FGF2: variants seen among roughly 807,000 people sequenced by gnomAD.
FGF2 encodes the protein basic fibroblast growth factor bFGF.
A neutral mutation model predicts 15.9 loss-of-function variants in FGF2; 13 were observed. The ratio of observed to expected loss-of-function variants is 0.82; its 90% confidence interval spans 0.53 to 1.30. The LOEUF (loss-of-function observed/expected upper bound fraction) is 1.30. FGF2 is among the 50% of genes most tolerant of loss of function. The probability of loss-of-function intolerance (pLI) is 0.00; values close to 1 mark genes in which losing one functional copy is unlikely to be tolerated. For missense variants in FGF2, 163 were observed against 196.9 expected (o/e 0.83, Z 1.03); for synonymous variants, 90 against 78.4 (o/e 1.15, Z -0.78).
chr4:122,848,354 A>T (rs72917860), intron 1 of FGF2, among the ~76,000 whole-genome samples: 1 of 152,108 alleles, frequency 6.6e-6, no homozygotes, highest in Non-Finnish European at 1.5e-5. Flanking sequence ...CTTCTTCAGG[A>T]TTTCTGAAAA....
At chr4:122,889,617 C>T (rs1268809559) in intron 2 of FGF2, among the ~76,000 whole-genome samples, 3 of 151,970 alleles carry the variant, frequency 2.0e-5, no homozygotes, top group Non-Finnish European at 4.4e-5. Context: ...AGTTTGTTTT[C>T]AAGAGCAAAA....
intron 2 of FGF2, among the ~76,000 whole-genome samples, chr4:122,885,006 A>C (rs1475780496): frequency 6.6e-6 from 1 of 152,234 alleles, no homozygotes; most frequent in Non-Finnish European, 1.5e-5. Context: ...TTAGGGATCA[A>C]GGCGATATTA....
intron 1 of FGF2, among the ~76,000 whole-genome samples, chr4:122,863,468 G>GT (rs1404643654): frequency 6.6e-6 from 1 of 152,078 alleles, no homozygotes; most frequent in Non-Finnish European, 1.5e-5. Flanking sequence ...AGGCATGGCT[G>GT]TTTCATGCCT....
At chr4:122,843,352 G>A (rs1387813993) in intron 1 of FGF2, among the ~76,000 whole-genome samples, 2 of 152,264 alleles carry the variant, frequency 1.3e-5, no homozygotes, top group Admixed American at 6.5e-5. Flanking sequence ...CAAGAAGTAA[G>A]ACCTGCTAGC....
intron 1 of FGF2, among the ~76,000 whole-genome samples, chr4:122,867,121 G>T (rs1007572112): frequency 6.6e-6 from 1 of 152,206 alleles, no homozygotes; most frequent in Non-Finnish European, 1.5e-5. Context: ...ATACAGACAG[G>T]TTGCCCAGGG....
intron 1 of FGF2, among the ~76,000 whole-genome samples, chr4:122,838,171 AT>A (rs1725904209): frequency 6.6e-6 from 1 of 152,158 alleles, no homozygotes; most frequent in African/African-American, 2.4e-5. Flanking sequence ...GACATAGATT[AT>A]TTTTTGGAGG....
At chr4:122,840,141 C>A (rs574803123) in intron 1 of FGF2, among the ~76,000 whole-genome samples, 66 of 152,246 alleles carry the variant, frequency 4.3e-4, no homozygotes, top group Non-Finnish European at 8.1e-4. Context: ...GGAGCACATG[C>A]AGAGATAGTG....
At chr4:122,890,656 T>C (rs1727148637) in intron 2 of FGF2, among the ~76,000 whole-genome samples, 1 of 152,220 alleles carries the variant, frequency 6.6e-6, no homozygotes, top group Non-Finnish European at 1.5e-5. Context: ...TTTATGTTTT[T>C]GTCACAGTTT....
intron 1 of FGF2, among the ~76,000 whole-genome samples, chr4:122,838,799 GCTT>G (rs1383991480): frequency 6.6e-6 from 1 of 152,108 alleles, no homozygotes; most frequent in African/African-American, 2.4e-5. Flanking sequence ...GTATTTAAGG[GCTT>G]CTTAAGATTT....
At chr4:122,878,198 A>T (rs1398789403) in intron 2 of FGF2, among the ~76,000 whole-genome samples, 1 of 152,360 alleles carries the variant, frequency 6.6e-6, no homozygotes, top group Non-Finnish European at 1.5e-5. Flanking sequence ...GCATACATGC[A>T]TAGTAATATA....
chr4:122,853,080 T>C (rs1370098112), intron 1 of FGF2, among the ~76,000 whole-genome samples: 1 of 152,172 alleles, frequency 6.6e-6, no homozygotes, highest in Non-Finnish European at 1.5e-5. Flanking sequence ...GGTGGATTGC[T>C]TGAGCTCAGG....
intron 1 of FGF2, among the ~76,000 whole-genome samples, chr4:122,837,747 G>C (rs1464692341): frequency 2.0e-5 from 3 of 151,926 alleles, no homozygotes; most frequent in Non-Finnish European, 4.4e-5. Context: ...CTTTGATTTT[G>C]GAAATTCTGA....
At position 122,866,841 on chromosome 4, in the gene FGF2, C is replaced by G. The variant is rs190156214; in HGVS notation, c.179-9480C>G. 9.3e-4 allele frequency among the ~76,000 whole-genome samples: 141 copies of G among 152,294 alleles called. 1 individual carries two copies. The highest frequency in any genetic ancestry group is 1.6e-3 in the Non-Finnish European group (110 of 68,018). On this transcript the variant is annotated intron_variant, in intron 1 of 2. Coordinates refer to ENST00000644866, the MANE Select transcript of FGF2 (RefSeq NM_001361665.2). ...AATTTGACTCCTAGGTATATACTCC[C>G]CCCAAAAGAAAACATGTCTACACAA...
At chr4:122,853,275 A>C (rs933211642) in intron 1 of FGF2, among the ~76,000 whole-genome samples, 1 of 152,218 alleles carries the variant, frequency 6.6e-6, no homozygotes, top group Non-Finnish European at 1.5e-5. Flanking sequence ...TCCAGCCTGC[A>C]TGACAGAGTG....
intron 1 of FGF2, among the ~76,000 whole-genome samples, chr4:122,866,523 G>A (rs1024535655): frequency 6.6e-6 from 1 of 152,140 alleles, no homozygotes; most frequent in African/African-American, 2.4e-5. Context: ...ATGAATCAAA[G>A]ATCTAAGTAG....
At chr4:122,878,331 G>T (rs1726897221) in intron 2 of FGF2, among the ~76,000 whole-genome samples, 1 of 152,184 alleles carries the variant, frequency 6.6e-6, no homozygotes, top group Non-Finnish European at 1.5e-5. Flanking sequence ...AAGGAGTTCA[G>T]CAGGCAGTCA....
chr4:122,830,582 C>T (rs75536622), intron 1 of FGF2, among the ~76,000 whole-genome samples: 14,382 of 152,058 alleles, frequency 0.095, 1,155 homozygotes, highest in African/African-American at 0.21. Context: ...CCAGCATGTG[C>T]GCTGCACTCC....
At chr4:122,860,808 G>A (rs1010930722) in intron 1 of FGF2, among the ~76,000 whole-genome samples, 10 of 152,050 alleles carry the variant, frequency 6.6e-5, no homozygotes, top group Admixed American at 6.5e-4. Flanking sequence ...ATTGATACTG[G>A]TTACAACGCT....
At chr4:122,843,717 A>C (rs1222812270) in intron 1 of FGF2, among the ~76,000 whole-genome samples, 4 of 152,206 alleles carry the variant, frequency 2.6e-5, no homozygotes, top group Non-Finnish European at 1.5e-5. Flanking sequence ...GAGCCACATA[A>C]ACTTTTTGGT....
Sources: allele counts gnomAD v4.1 joint callset (sites outside exome capture counted in the v4.1 genomes callset), GRCh38; gene constraint gnomAD v4.1.1; transcripts MANE v1.5; gene names NCBI Gene and HGNC (gene_info 2026-07-23, HGNC 2026-07-21).